The following CD99L2 variants were observed in gnomAD, a reference collection of about 807,000 sequenced individuals.
CD99L2 encodes the protein CD99 molecule like 2, also known as CD99 antigen-like protein 2.
CD99L2 carries 24 observed loss-of-function variants against 27.3 expected under a neutral mutation model. The observed-to-expected ratio is 0.88, with a 90% CI of 0.64 to 1.24. CD99L2 has a LOEUF of 1.24. Among genes scored for constraint, CD99L2 ranks in the 50% most tolerant of loss-of-function variants. The probability of loss-of-function intolerance (pLI) is 0.00; values close to 1 mark genes in which losing one functional copy is unlikely to be tolerated. For missense variants in CD99L2, 255 were observed against 221.6 expected (o/e 1.15, Z -0.96); for synonymous variants, 97 against 87.9 (o/e 1.10, Z -0.58).
chrX:150,783,667 C>T (rs2045550226), intron 7 of CD99L2, among the ~76,000 whole-genome samples: 1 of 112,205 alleles, frequency 8.9e-6, no homozygotes, highest in Non-Finnish European at 1.9e-5. Flanking sequence ...GGCAGTGTTT[C>T]AGCCCTGTGA....
At chrX:150,844,560 T>C (rs1433277705) in intron 1 of CD99L2, among the ~76,000 whole-genome samples, 2 of 112,081 alleles carry the variant, frequency 1.8e-5, no homozygotes, top group Non-Finnish European at 3.8e-5. Context: ...TGAACACATT[T>C]GTCTTGATGA....
intron 1 of CD99L2, among the ~76,000 whole-genome samples, chrX:150,893,250 G>A (rs1482092348): frequency 7.2e-5 from 8 of 111,774 alleles, no homozygotes; most frequent in Admixed American, 5.7e-4. Flanking sequence ...TCTGTCAGAC[G>A]AGCGCAGCAA....
At chrX:150,855,465 C>A (rs1191360836) in intron 1 of CD99L2, among the ~76,000 whole-genome samples, 3 of 111,389 alleles carry the variant, frequency 2.7e-5, no homozygotes, top group Non-Finnish European at 1.9e-5. Flanking sequence ...CATGGTGGAG[C>A]AGGAGAGAGA....
At chrX:150,850,480 C>A (rs200409419) in intron 1 of CD99L2, among the ~76,000 whole-genome samples, 2 of 111,872 alleles carry the variant, frequency 1.8e-5, no homozygotes, top group Non-Finnish European at 3.8e-5. Context: ...CACCAGCGGA[C>A]GTGCACATAG....
chrX:150,770,449 G>T (rs2080699153), intron 9 of CD99L2, 80 bp from the exon 10 acceptor site: 5 of 920,074 alleles, frequency 5.4e-6, no homozygotes, highest in East Asian at 6.2e-5. Flanking sequence ...TCCTGACCAA[G>T]TCCTCTGCAG....
chrX:150,800,332 C>T (rs782798410), intron 4 of CD99L2, among the ~76,000 whole-genome samples: 2 of 111,277 alleles, frequency 1.8e-5, no homozygotes, highest in South Asian at 3.8e-4. Context: ...TTGTGAATAC[C>T]GATGATCCTC....
chrX:150,810,877 GA>G (rs1466861953), intron 4 of CD99L2, among the ~76,000 whole-genome samples: 1 of 111,488 alleles, frequency 9.0e-6, no homozygotes, highest in African/African-American at 3.3e-5. Flanking sequence ...CTCCTAGAAA[GA>G]TACAAACTAT....
At chrX:150,777,558 T>C (rs41311686) in intron 7 of CD99L2, 76 bp from the exon 8 acceptor site, 20,910 of 1,029,574 alleles carry the variant, frequency 0.02, 185 homozygotes, top group Non-Finnish European at 0.023. Flanking sequence ...GCGAGACGGA[T>C]GGCAGTGCTG....
At chrX:150,895,145 C>T (rs1482524513) in intron 1 of CD99L2, among the ~76,000 whole-genome samples, 3 of 111,443 alleles carry the variant, frequency 2.7e-5, no homozygotes, top group African/African-American at 9.8e-5. Context: ...GGTCACAGTG[C>T]CAACAGGTCG....
intron 1 of CD99L2, among the ~76,000 whole-genome samples, chrX:150,883,769 A>G (rs2047367678): frequency 8.9e-6 from 1 of 112,217 alleles, no homozygotes; most frequent in Admixed American, 9.5e-5. Context: ...AGTGAGTATT[A>G]GTAGAAAAAG....
chrX:150,837,545 G>A (rs1557421244), intron 1 of CD99L2, among the ~76,000 whole-genome samples: 1 of 112,183 alleles, frequency 8.9e-6, no homozygotes, highest in Non-Finnish European at 1.9e-5. Context: ...ACTGCACCCG[G>A]CCTGGAAGTA....
At chrX:150,848,243 A>G (rs782812498) in intron 1 of CD99L2, among the ~76,000 whole-genome samples, 9 of 111,189 alleles carry the variant, frequency 8.1e-5, no homozygotes, top group Non-Finnish European at 1.5e-4. Flanking sequence ...CAAGTGGTTA[A>G]CAATATGGGT....
Position 150,898,620 on chromosome X carries a change from C to A in CD99L2, c.-32G>T. ...GAGCAGGCGGAGGGCCCCGGAGGAG[C>A]ACAGTTAGCGCGAGAGCGCCCGAAG... On this transcript the variant is annotated 5_prime_UTR_variant, in exon 1 of 11. Transcript: ENST00000370377. 1 of 1,081,994 alleles carries A rather than the reference C, an allele frequency of 9.2e-7. No individual in the cohort carries two copies. Among genetic ancestry groups the A allele is most frequent in the Non-Finnish European group, 1.2e-6 (1 of 834,115 alleles). The allele number at this position is 1,081,994 out of a possible 1,213,427, so 89.2% of individuals were successfully genotyped here.
chrX:150,796,972 T>C (rs1391067498), intron 4 of CD99L2, among the ~76,000 whole-genome samples: 3 of 111,445 alleles, frequency 2.7e-5, no homozygotes, highest in Non-Finnish European at 3.8e-5. Context: ...AAACACAACA[T>C]AGCAAAATAT....
At position 150,852,028 on chromosome X, in the gene CD99L2, T is replaced by C. The variant is rs886243617; in HGVS notation, c.68-20735A>G. ...ACCACAACAGCCAATAACCATCATC[T>C]GTTTTACTGTTTCAAGCATTTAAAT... On this transcript the variant is annotated intron_variant, in intron 1 of 10. Coordinates refer to ENST00000370377, the MANE Select transcript of CD99L2 (RefSeq NM_031462.4). Among the ~76,000 whole-genome samples, 3 of 111,896 alleles carry C rather than the reference T, an allele frequency of 2.7e-5. No homozygotes were observed. In the South Asian group the frequency reaches 1.1e-3, roughly 42 times the overall value.
chrX:150,832,043 C>T (rs1393579318), intron 1 of CD99L2, among the ~76,000 whole-genome samples: 4 of 112,119 alleles, frequency 3.6e-5, no homozygotes, highest in African/African-American at 1.3e-4. Context: ...ACACTTTAGA[C>T]CAAATGAACC....
intron 9 of CD99L2, 118 bp from the exon 10 acceptor site, chrX:150,770,487 G>A (rs1158786266): frequency 1.1e-5 from 7 of 615,324 alleles, no homozygotes; most frequent in African/African-American, 2.2e-5. Context: ...CTCCCCTGGG[G>A]AACTCAAAAC....
intron 2 of CD99L2, among the ~76,000 whole-genome samples, chrX:150,825,662 T>C (rs2046357425): frequency 8.9e-6 from 1 of 112,554 alleles, no homozygotes; most frequent in African/African-American, 3.2e-5. Flanking sequence ...GGATTTCTTA[T>C]TCGTAATTGA....
intron 7 of CD99L2, among the ~76,000 whole-genome samples, chrX:150,778,773 G>T (rs1300716527): frequency 3.8e-5 from 4 of 105,537 alleles, no homozygotes; most frequent in Non-Finnish European, 7.7e-5. Flanking sequence ...GAATCCTTGA[G>T]CTCTATGCAG....
Sources: allele counts gnomAD v4.1 joint callset (sites outside exome capture counted in the v4.1 genomes callset), GRCh38; gene constraint gnomAD v4.1.1; transcripts MANE v1.5; gene names NCBI Gene and HGNC (gene_info 2026-07-23, HGNC 2026-07-21).